The following PARD3 variants were observed in gnomAD, a reference collection of about 807,000 sequenced individuals.
PARD3 encodes partitioning defective 3 homolog.
A neutral mutation model predicts 155.4 loss-of-function variants in PARD3; 75 were observed. The ratio of observed to expected loss-of-function variants is 0.48; its 90% CI spans 0.40 to 0.58. The LOEUF is 0.58. Among genes scored for constraint, PARD3 ranks in the 20% least tolerant of loss-of-function variants. The pLI is 0.00. For missense variants in PARD3, 1,642 were observed against 1,721.7 expected (o/e 0.95, Z 0.82); for synonymous variants, 576 against 610.5 (o/e 0.94, Z 0.83).
chr10:34,510,048 A>T (rs1393908777), intron 3 of PARD3, among the ~76,000 whole-genome samples: 3 of 152,234 alleles, frequency 2.0e-5, no homozygotes, highest in Non-Finnish European at 4.4e-5. Context: ...ACAAAGGATC[A>T]CTAATTGGTG....
chr10:34,321,919 A>G (rs1475535429), intron 19 of PARD3, among the ~76,000 whole-genome samples: 1 of 152,194 alleles, frequency 6.6e-6, no homozygotes, highest in Non-Finnish European at 1.5e-5. Flanking sequence ...AACATTTTAC[A>G]GTCAAGGTTG....
intron 2 of PARD3, among the ~76,000 whole-genome samples, chr10:34,623,463 T>G (rs969719406): frequency 1.3e-5 from 2 of 152,204 alleles, no homozygotes; most frequent in Non-Finnish European, 2.9e-5. Context: ...ATCTTCAACT[T>G]TAATTGAAAA....
chr10:34,130,417 C>T (rs1311965464), intron 23 of PARD3, among the ~76,000 whole-genome samples: 3 of 152,162 alleles, frequency 2.0e-5, no homozygotes, highest in African/African-American at 7.2e-5. Context: ...TCCTTCTATT[C>T]CCAGTCTTCT....
In PARD3 at chr10:34,544,353, G is replaced by C. The variant is rs528122896; in HGVS notation, c.223-27194C>G. Among the ~76,000 whole-genome samples, 32 of 152,106 alleles carry C rather than the reference G, an allele frequency of 2.1e-4. 1 individual carries two copies. The South Asian group carries it at 5.4e-3, about 26-fold the overall frequency. ...AATCATTCTATTTCTGAAATAACTA[G>C]GTCATTCTAGCTCTAAATTTCCTTA... On this transcript the variant is annotated intron_variant, in intron 2 of 24. Transcript: ENST00000374788.
intron 22 of PARD3, among the ~76,000 whole-genome samples, chr10:34,243,307 A>G (rs1953725959): frequency 6.6e-6 from 1 of 152,192 alleles, no homozygotes; most frequent in South Asian, 2.1e-4. Context: ...ATAGATGCAA[A>G]TCATCCTTAT....
chr10:34,758,680 C>G (rs1219502312), intron 1 of PARD3, among the ~76,000 whole-genome samples: 1 of 152,188 alleles, frequency 6.6e-6, no homozygotes, highest in African/African-American at 2.4e-5. Context: ...ATCCTGGAAG[C>G]ACTGAGTTTG....
At chr10:34,530,874 C>T (rs186592081) in intron 2 of PARD3, among the ~76,000 whole-genome samples, 20 of 152,314 alleles carry the variant, frequency 1.3e-4, no homozygotes, top group African/African-American at 4.6e-4. Context: ...ACTACTTCAA[C>T]GCCTTGAACT....
intron 1 of PARD3, among the ~76,000 whole-genome samples, chr10:34,796,460 A>C (rs773436594): frequency 2.0e-4 from 31 of 152,146 alleles, no homozygotes; most frequent in Non-Finnish European, 3.5e-4. Flanking sequence ...GGTTCAAAAA[A>C]CATTTTTACT....
intron 1 of PARD3, among the ~76,000 whole-genome samples, chr10:34,771,040 G>A (rs1838795647): frequency 6.6e-6 from 1 of 152,210 alleles, no homozygotes; most frequent in African/African-American, 2.4e-5. Context: ...AAAAGGGAAA[G>A]ACGGAGAGAC....
chr10:34,521,298 T>A lies in PARD3; in HGVS notation c.223-4139A>T, dbSNP rs76912845. 1.3e-3 allele frequency among the ~76,000 whole-genome samples: 198 copies of A among 150,646 alleles called. 1 individual carries two copies. Among genetic ancestry groups the A allele is most frequent in the African/African-American group, 4.5e-3 (184 of 40,954 alleles). On this transcript the variant is annotated intron_variant, in intron 2 of 24. Coordinates refer to ENST00000374788, the MANE Select transcript of PARD3 (RefSeq NM_001184785.2). Reference sequence around the variant, plus strand: ...CAGGTCCCAATATGAAATAATTTTGTGTTAAACTGGGAAAGATATATAATT... The same window carrying A: ...CAGGTCCCAATATGAAATAATTTTGAGTTAAACTGGGAAAGATATATAATT...
intron 2 of PARD3, among the ~76,000 whole-genome samples, chr10:34,658,280 A>G (rs2093234623): frequency 6.6e-6 from 1 of 152,242 alleles, no homozygotes; most frequent in African/African-American, 2.4e-5. Context: ...AAATTACAAT[A>G]TTCCTTAGAA....
intron 9 of PARD3, among the ~76,000 whole-genome samples, chr10:34,380,871 T>C (rs753400596): frequency 6.6e-6 from 1 of 152,210 alleles, no homozygotes; most frequent in Admixed American, 6.5e-5. Context: ...TTTTATTTTT[T>C]ATACGATTCT....
intron 12 of PARD3, among the ~76,000 whole-genome samples, chr10:34,362,165 G>A (rs1839512280): frequency 6.6e-6 from 1 of 152,144 alleles, no homozygotes; most frequent in African/African-American, 2.4e-5. Context: ...CAGGCGTGGT[G>A]GCGGGCACCT....
At chr10:34,738,444 T>A (rs1230980721) in intron 1 of PARD3, among the ~76,000 whole-genome samples, 1 of 152,222 alleles carries the variant, frequency 6.6e-6, no homozygotes, top group East Asian at 1.9e-4. Context: ...CCCCCCAAAG[T>A]GCTGGGGTTA....
At chr10:34,186,372 A>G (rs1177028989) in intron 22 of PARD3, among the ~76,000 whole-genome samples, 1 of 151,454 alleles carries the variant, frequency 6.6e-6, no homozygotes, top group Non-Finnish European at 1.5e-5. Flanking sequence ...AAAAAAAAAA[A>G]AAAAGAAACC....
At chr10:34,510,692 A>AT (rs138604959) in intron 3 of PARD3, among the ~76,000 whole-genome samples, 9 of 151,430 alleles carry the variant, frequency 5.9e-5, no homozygotes, top group Non-Finnish European at 7.4e-5. Flanking sequence ...TGTTTCCTTT[A>AT]TTTTTTTTTA....
chr10:34,715,672 C>T (rs376092601), intron 1 of PARD3, among the ~76,000 whole-genome samples: 76 of 152,298 alleles, frequency 5.0e-4, no homozygotes, highest in Non-Finnish European at 9.8e-4. Context: ...CATGTTTTAC[C>T]GTTTATCACC....
chr10:34,807,034 C>G (rs1327095099), intron 1 of PARD3, among the ~76,000 whole-genome samples: 3 of 152,230 alleles, frequency 2.0e-5, no homozygotes, highest in African/African-American at 7.2e-5. Context: ...TCAACCTCCA[C>G]TGCACAAAGG....
At chr10:34,388,909 T>G (rs1344805710) in intron 7 of PARD3, among the ~76,000 whole-genome samples, 1 of 151,758 alleles carries the variant, frequency 6.6e-6, no homozygotes, top group African/African-American at 2.4e-5. Context: ...GAGAAAAGAG[T>G]TGGGCATTTA....
Sources: gnomAD v4.1 joint callset for allele counts (sites outside exome capture counted in the v4.1 genomes callset) on GRCh38, gnomAD v4.1.1 for gene constraint, MANE v1.5 for transcripts, NCBI Gene and HGNC (gene_info 2026-07-23, HGNC 2026-07-21) for gene names.